Variants in MAP3K21 observed in about 807,000 individuals in gnomAD.
The protein encoded by MAP3K21 is mitogen-activated protein kinase kinase kinase MLK4.
In MAP3K21, 63 loss-of-function variants were observed where a neutral mutation model predicts 86.1. The observed-to-expected ratio is 0.73, with a 90% CI of 0.60 to 0.90. The LOEUF is 0.90. Among genes scored for constraint, MAP3K21 ranks in the 40% least tolerant of loss-of-function variants. The pLI is 0.00. For synonymous variants in MAP3K21, 558 were observed against 564.8 expected, an observed-to-expected ratio of 0.99 and a Z score of 0.17; for missense variants, 1,220 against 1,367.7, an observed-to-expected ratio of 0.89 and a Z score of 1.70.
At chr1:233,352,776 T>C (rs1339851849) in intron 2 of MAP3K21, among the ~76,000 whole-genome samples, 1 of 152,208 alleles carries the variant, frequency 6.6e-6, no homozygotes, top group Non-Finnish European at 1.5e-5. Flanking sequence ...TGCTTATGTG[T>C]TTCAATCTGA....
Position 233,328,567 on chromosome 1 carries a change from AC to A in MAP3K21, c.543del (p.Asn182ThrfsTer63). On this transcript the variant is annotated frameshift_variant, in exon 1 of 10. Coordinates refer to ENST00000366624, the MANE Select transcript of MAP3K21 (RefSeq NM_032435.3). LOFTEE classifies it high-confidence loss of function. The surrounding 1 kb of genome is among the most constrained non-coding windows in gnomAD (Gnocchi z 8.7). Reference protein sequence around the residue: ...REARLFAMLRHPNIIELRGVC... With the variant: ...REARLFAMLRXPNIIELRGVC... ...GCTCGGCTCTTCGCCATGCTGCGGCACCCCAACATCATCGAGCTGCGCGGCG... is the reference window on the plus strand; with the variant it reads ...GCTCGGCTCTTCGCCATGCTGCGGCACCCAACATCATCGAGCTGCGCGGCG... 1 of 1,530,168 alleles carries A rather than the reference AC, an allele frequency of 6.5e-7. No homozygotes were observed. The allele number at this position is 1,530,168 out of a possible 1,614,324, so 94.8% of individuals were successfully genotyped here. A position where few individuals can be genotyped will look rare whatever the true frequency, so the allele number is the denominator to read the frequency against.
chr1:233,333,027 A>G (rs1483351587), intron 1 of MAP3K21, among the ~76,000 whole-genome samples: 4 of 152,214 alleles, frequency 2.6e-5, no homozygotes, highest in East Asian at 1.9e-4. Flanking sequence ...TTATTATGAA[A>G]TGCCATTTGG....
Position 233,379,663 on chromosome 1 carries a change from G to C in MAP3K21, c.2657G>C (p.Arg886Thr), listed in dbSNP as rs1663876197. Residue 886 changes from arginine (R) to threonine (T), a missense_variant, in exon 9 of 10, where the codon AGA (arginine) becomes ACA (threonine). By Grantham distance (71) the Arg-to-Thr change is moderately conservative. Transcript: ENST00000366624. ...CCTTACTGTGCTTCTTCAAAACATAGACCGTCACATCACAGACGGACCATG... is the reference window on the plus strand; with the variant it reads ...CCTTACTGTGCTTCTTCAAAACATACACCGTCACATCACAGACGGACCATG... ...NVPYCASSKH[R>T]PSHHRRTMSD... 1 of 1,613,622 alleles carries C rather than the reference G, an allele frequency of 6.2e-7. No homozygotes were observed. Among genetic ancestry groups the C allele is most frequent in the African/African-American group, 1.3e-5 (1 of 74,924 alleles).
At position 233,382,767 on chromosome 1, in the gene MAP3K21, T is replaced by C. The variant is rs1663943896; in HGVS notation, c.*56T>C. 2 of 1,454,914 alleles carry C rather than the reference T, an allele frequency of 1.4e-6. No individual in the cohort carries two copies. The highest frequency in any genetic ancestry group is 1.9e-6 in the Non-Finnish European group (2 of 1,053,190). The allele number at this position is 1,454,914 out of a possible 1,614,324, so 90.1% of individuals were successfully genotyped here. On this transcript the variant is annotated 3_prime_UTR_variant, in exon 10 of 10. Transcript: ENST00000366624. Reference sequence around the variant, plus strand: ...TTTTAAGGTGAACAAATGAACACAATGTATCTACCTTTGAACTGTTTCATG... The same window carrying C: ...TTTTAAGGTGAACAAATGAACACAACGTATCTACCTTTGAACTGTTTCATG...
chr1:233,330,906 C>T (rs2102756237), intron 1 of MAP3K21, among the ~76,000 whole-genome samples: 1 of 152,244 alleles, frequency 6.6e-6, no homozygotes, highest in African/African-American at 2.4e-5. Context: ...GATCAATCAA[C>T]AATCCATAGC....
intron 8 of MAP3K21, 145 bp from the exon 9 acceptor site, chr1:233,378,786 G>T (rs915187954): frequency 1.5e-6 from 1 of 656,652 alleles, no homozygotes; most frequent in African/African-American, 1.8e-5. Flanking sequence ...CCTCCTGGAT[G>T]AATCATTTGC....
At chr1:233,376,377 A>G (rs1663796760) in intron 7 of MAP3K21, 53 bp from the exon 8 acceptor site, 1 of 1,267,546 alleles carries the variant, frequency 7.9e-7, no homozygotes, top group South Asian at 1.2e-5. Flanking sequence ...CCAAAACCTA[A>G]TTGGTGTGTT....
intron 5 of MAP3K21, among the ~76,000 whole-genome samples, chr1:233,366,453 G>T (rs1184829804): frequency 2.6e-5 from 4 of 152,188 alleles, no homozygotes; most frequent in Non-Finnish European, 5.9e-5. Flanking sequence ...ATATCACTCT[G>T]TACCCCATAA....
In MAP3K21 at chr1:233,378,115, C is replaced by A. The variant is rs189539629; in HGVS notation, c.1925-816C>A. Among the ~76,000 whole-genome samples the A allele has an allele frequency of 2.2e-3, 341 of 152,216 alleles. 3 individuals are homozygous for A. The highest frequency in any genetic ancestry group is 7.2e-3 in the African/African-American group (298 of 41,522). On this transcript the variant is annotated intron_variant, in intron 8 of 9. Transcript: ENST00000366624. The stretch of plus-strand genomic sequence containing the variant: ...CAGTCCATGGCCTGGGGTTCAGGGA[C>A]CCCTGGTCTAGATCATCAAGCATGT...
chr1:233,367,340 GA>G (rs1663597229), intron 5 of MAP3K21, among the ~76,000 whole-genome samples: 1 of 152,164 alleles, frequency 6.6e-6, no homozygotes, highest in Admixed American at 6.5e-5. Context: ...CTTTGTTAGT[GA>G]AATATTCATA....
At position 233,328,700 on chromosome 1, in the gene MAP3K21, C is replaced by G. The variant is rs1227804523; in HGVS notation, c.672C>G (p.Pro224=). ...ACGCCGCCCCGGACCCGCGCGCGCC[C>G]GGCCCCCGCCGCGCGCGCCGCATCC... ...AANAAPDPRA[P]GPRRARRIPP... is the part of the protein sequence containing the mutation. The change falls in exon 1 of 10, where the codon CCC becomes CCG. Residue 224 remains proline (P), a synonymous_variant. Transcript: ENST00000366624. The surrounding 1 kb of genome is among the most constrained non-coding windows in gnomAD (Gnocchi z 8.7). 2.2e-6 allele frequency: 3 copies of G among 1,371,918 alleles called. No individual in the cohort carries two copies. In the African/African-American group the frequency reaches 4.6e-5, roughly 21 times the overall value. The allele number at this position is 1,371,918 out of a possible 1,614,324, so 85.0% of individuals were successfully genotyped here. A position where few individuals can be genotyped will look rare whatever the true frequency, so the allele number is the denominator to read the frequency against.
At chr1:233,344,934 C>G (rs1184611117) in intron 1 of MAP3K21, among the ~76,000 whole-genome samples, 1 of 152,132 alleles carries the variant, frequency 6.6e-6, no homozygotes, top group Non-Finnish European at 1.5e-5. Context: ...TATGAACAGA[C>G]ACTTCTCAAA....
intron 3 of MAP3K21, 90 bp downstream of exon 3, chr1:233,354,045 G>T: frequency 7.6e-7 from 1 of 1,314,678 alleles, no homozygotes; most frequent in Non-Finnish European, 9.9e-7. Context: ...CATTTTCTGT[G>T]ACTCTAATTT....
rs1663932903 is a variant in MAP3K21 at position 233,382,325 on chromosome 1, G to A, written c.2725G>A (p.Ala909Thr). Residue 909 changes from alanine to threonine, a missense_variant, in exon 10 of 10, where the codon GCC becomes ACC. Physicochemically the swap from Ala to Thr is moderately conservative, Grantham distance 58. Around this residue, in one of 5 missense-constraint regions of MAP3K21, gnomAD observed 632 missense variants for 691.3 expected, o/e 0.91. Coordinates refer to ENST00000366624, the MANE Select transcript of MAP3K21 (RefSeq NM_032435.3). ...ACCAGCTGGTGCAACTATTATCTCA[G>A]CCACTGGAGCCTCTGCACTGCCACT... is the stretch of plus-strand genomic sequence containing the variant. ...PTPTGATIIS[A>T]TGASALPLCP... 6.2e-7 allele frequency: 1 copy of A among 1,613,070 alleles called. No individual in the cohort carries two copies. Among genetic ancestry groups the A allele is most frequent in the Non-Finnish European group, 8.5e-7 (1 of 1,179,382 alleles).
chr1:233,332,026 A>T (rs1276742060), intron 1 of MAP3K21, among the ~76,000 whole-genome samples: 1 of 152,184 alleles, frequency 6.6e-6, no homozygotes, highest in South Asian at 2.1e-4. Context: ...AGAGAACAAT[A>T]CAAGGCAACT....
Position 233,372,133 on chromosome 1 carries a change from A to G in MAP3K21, c.1648A>G (p.Met550Val), listed in dbSNP as rs1322026992. 2.5e-6 allele frequency: 4 copies of G among 1,614,106 alleles called. No individual in the cohort carries two copies. Among genetic ancestry groups the G allele is most frequent in the South Asian group, 1.1e-5 (1 of 91,074 alleles). The change falls in exon 6 of 10, where the codon ATG becomes GTG. Residue 550 changes from methionine (M) to valine (V), a missense_variant. Around this residue, in one of 5 missense-constraint regions of MAP3K21, gnomAD observed 632 missense variants for 691.3 expected, o/e 0.91. Transcript: ENST00000366624. ...SSSSPPSSPTMMPRLRAIQLT... is the reference protein window; with the variant it reads ...SSSSPPSSPTVMPRLRAIQLT... ...TTCCAGTCCCCCGAGCAGCCCCACA[A>G]TGATGCCCCGACTCCGAGCCATACA...
intron 5 of MAP3K21, among the ~76,000 whole-genome samples, chr1:233,368,656 T>A (rs1216294521): frequency 4.3e-4 from 63 of 147,118 alleles, no homozygotes; most frequent in African/African-American, 1.2e-3. Context: ...ATCTTGTCTT[T>A]AAAAAAAAAA....
rs767098433 is a variant in MAP3K21 at position 233,362,163 on chromosome 1, G to C, written c.1422G>C (p.Val474=). 1.2e-6 allele frequency: 2 copies of C among 1,614,208 alleles called. No individual in the cohort carries two copies. The stretch of plus-strand genomic sequence containing the variant: ...AGCTGGCAGAGCGCGAGATCGACGT[G>C]CTGGAGCGGGAACTTAACATTCTGA... ...EQQLAEREID[V]LERELNILIF... is the part of the protein sequence containing the mutation. Residue 474 remains valine, a synonymous_variant, in exon 5 of 10, where the codon GTG becomes GTC. Coordinates refer to ENST00000366624, the MANE Select transcript of MAP3K21 (RefSeq NM_032435.3).
Position 233,327,941 on chromosome 1 carries a change from C to A in MAP3K21, c.-88C>A. The stretch of plus-strand genomic sequence containing the variant: ...CCCCCTCGCCTTCCCCCGGCGCCGA[C>A]GGCCACACCGCCGGACGATGCGCGC... On this transcript the variant is annotated 5_prime_UTR_variant, in exon 1 of 10. Transcript: ENST00000366624. 1 of 1,097,660 alleles carries A rather than the reference C, an allele frequency of 9.1e-7. No individual in the cohort carries two copies. The highest frequency in any genetic ancestry group is 1.1e-6 in the Non-Finnish European group (1 of 869,976). 68.0% of individuals were successfully genotyped at this position (1,097,660 alleles called of 1,614,324 possible). A position where few individuals can be genotyped will look rare whatever the true frequency, so the allele number is the denominator to read the frequency against.
Sources: allele counts gnomAD v4.1 joint callset (sites outside exome capture counted in the v4.1 genomes callset), GRCh38; gene constraint gnomAD v4.1.1; regional missense constraint gnomAD v4.1.1; non-coding constraint Gnocchi (gnomAD v3.1); transcripts MANE v1.5; gene names NCBI Gene and HGNC (gene_info 2026-07-23, HGNC 2026-07-21).